MMP17: variants seen among roughly 807,000 people sequenced by gnomAD.
MMP17 encodes the protein matrix metalloproteinase-17.
Under a neutral mutation model 49.1 loss-of-function variants are expected in MMP17, and 54 were observed. The observed-to-expected ratio is 1.10, with a 90% CI of 0.88 to 1.38. MMP17 has a LOEUF of 1.38. MMP17 is among the 40% of genes most tolerant of loss of function. The pLI is 0.00. For missense variants in MMP17, 837 were observed against 853.7 expected (o/e 0.98, Z 0.24); for synonymous variants, 397 against 383.1 (o/e 1.04, Z -0.42).
In MMP17 at chr12:131,840,778, G is replaced by T. The variant is rs770270565; in HGVS notation, c.628G>T (p.Ala210Ser). 6 of 1,605,266 alleles carry T rather than the reference G, an allele frequency of 3.7e-6. No homozygotes were observed. The highest frequency in any genetic ancestry group is 5.1e-6 in the Non-Finnish European group (6 of 1,179,796). ...CGGCCCCGGCGGCACCGTGGCCCAC[G>T]CCTTCTTCCCCGGCCACCACCACAC... Reference protein sequence around the residue: ...FDGPGGTVAHAFFPGHHHTAG... With the variant: ...FDGPGGTVAHSFFPGHHHTAG... The change falls in exon 4 of 10, where the codon GCC becomes TCC. Residue 210 changes from alanine to serine, a missense_variant. Ala to Ser is a moderately conservative substitution (Grantham distance 99). Coordinates refer to ENST00000360564, the MANE Select transcript of MMP17 (RefSeq NM_016155.7).
chr12:131,835,442 G>C (rs1344373374), intron 1 of MMP17, among the ~76,000 whole-genome samples: 1 of 152,244 alleles, frequency 6.6e-6, no homozygotes, highest in African/African-American at 2.4e-5. Flanking sequence ...GCCAGGCCCG[G>C]CTCCACTTTC....
At chr12:131,832,827 G>C (rs980189107) in intron 1 of MMP17, among the ~76,000 whole-genome samples, 3 of 152,182 alleles carry the variant, frequency 2.0e-5, no homozygotes, top group Admixed American at 2.0e-4. Context: ...CCCTGACTCT[G>C]TCACACCCGC....
At chr12:131,831,743 G>C (rs938463922) in intron 1 of MMP17, among the ~76,000 whole-genome samples, 3 of 144,014 alleles carry the variant, frequency 2.1e-5, no homozygotes, top group African/African-American at 7.9e-5. Context: ...CTGCGCAATG[G>C]GGCCAGTGAG....
chr12:131,840,791 G>A lies in MMP17; in HGVS notation c.641G>A (p.Gly214Asp), dbSNP rs1442463189. 6.2e-7 allele frequency: 1 copy of A among 1,606,032 alleles called. No homozygotes were observed. The highest frequency in any genetic ancestry group is 8.5e-7 in the Non-Finnish European group (1 of 1,179,746). Residue 214 changes from glycine (G) to aspartate (D), a missense_variant, in exon 4 of 10, where the codon GGC (glycine) becomes GAC (aspartate). Coordinates refer to ENST00000360564, the MANE Select transcript of MMP17 (RefSeq NM_016155.7). ...GGTVAHAFFP[G>D]HHHTAGDTHF... The stretch of plus-strand genomic sequence containing the variant: ...ACCGTGGCCCACGCCTTCTTCCCCG[G>A]CCACCACCACACCGCCGGGGACACC...
At chr12:131,830,869 C>A (rs1347479657) in intron 1 of MMP17, among the ~76,000 whole-genome samples, 4 of 152,158 alleles carry the variant, frequency 2.6e-5, no homozygotes, top group Admixed American at 1.3e-4. Context: ...AGCGCACTGT[C>A]CCCCCGGGGG....
At chr12:131,848,552 G>A (rs1258745999) in intron 8 of MMP17, among the ~76,000 whole-genome samples, 4 of 152,200 alleles carry the variant, frequency 2.6e-5, no homozygotes, top group African/African-American at 7.2e-5. Flanking sequence ...ACGCTGCCCC[G>A]TGAAACACGG....
intron 1 of MMP17, among the ~76,000 whole-genome samples, chr12:131,832,677 G>T (rs936019643): frequency 2.6e-5 from 4 of 152,060 alleles, no homozygotes; most frequent in South Asian, 2.1e-4. Flanking sequence ...GGCACCGTCT[G>T]AGTGGGACAG....
At position 131,845,398 on chromosome 12, in the gene MMP17, G is replaced by A. The variant is rs1376374025; in HGVS notation, c.1153G>A (p.Val385Met). 7.5e-6 allele frequency: 12 copies of A among 1,591,852 alleles called. No individual in the cohort carries two copies. Among genetic ancestry groups the A allele is most frequent in the South Asian group, 3.3e-5 (3 of 90,848 alleles). Residue 385 changes from valine to methionine, a missense_variant, in exon 8 of 10, where the codon GTG (valine) becomes ATG (methionine). By Grantham distance (21) the Val-to-Met change is conservative (BLOSUM62 1). Transcript: ENST00000360564. ...GGGCCTGCCGCTGCACCTGGACAGC[G>A]TGGACGCCGTGTACGAGCGCACCAG... ...WRGLPLHLDS[V>M]DAVYERTSDH... is the part of the protein sequence containing the mutation.
At chr12:131,842,375 G>T (rs1294361281) in intron 5 of MMP17, among the ~76,000 whole-genome samples, 1 of 152,178 alleles carries the variant, frequency 6.6e-6, no homozygotes, top group Non-Finnish European at 1.5e-5. Context: ...CAGTAGTGCT[G>T]CCCCTGCCGC....
At position 131,850,030 on chromosome 12, in the gene MMP17, CG is replaced by C; in HGVS notation, c.1434del (p.Leu479TrpfsTer123). On this transcript the variant is annotated frameshift_variant, in exon 9 of 10. Transcript: ENST00000360564. LOFTEE classifies it low-confidence loss of function (END_TRUNC). ...QSPLWRGVPS[T>X]LDDAMRWSDG... ...CCCCTGTGGAGGGGTGTCCCCAGCA[CG>C]CTGGACGACGCCATGCGCTGGTCCG... is the stretch of plus-strand genomic sequence containing the variant. 1 of 1,612,844 alleles carries C rather than the reference CG, an allele frequency of 6.2e-7. No individual in the cohort carries two copies. The highest frequency in any genetic ancestry group is 8.5e-7 in the Non-Finnish European group (1 of 1,179,708).
intron 2 of MMP17, 76 bp downstream of exon 2, chr12:131,838,403 C>A: frequency 6.4e-7 from 1 of 1,558,132 alleles, no homozygotes; most frequent in Non-Finnish European, 8.7e-7. Flanking sequence ...CCCCTCTGAT[C>A]AGGCACAGTC....
At position 131,851,290 on chromosome 12, in the gene MMP17, C is replaced by A; in HGVS notation, c.*16C>A. 1 of 1,383,820 alleles carries A rather than the reference C, an allele frequency of 7.2e-7. No homozygotes were observed. The highest frequency in any genetic ancestry group is 9.4e-7 in the Non-Finnish European group (1 of 1,065,278). The allele number at this position is 1,383,820 out of a possible 1,614,324, so 85.7% of individuals were successfully genotyped here. A position where few individuals can be genotyped will look rare whatever the true frequency, so the allele number is the denominator to read the frequency against. On this transcript the variant is annotated 3_prime_UTR_variant, in exon 10 of 10. Coordinates refer to ENST00000360564, the MANE Select transcript of MMP17 (RefSeq NM_016155.7). ...GACGCTATGACACACAGCGCGAGCC[C>A]ATGAGAGGACAGAGGCGGTGGGACA...
chr12:131,850,140 G>A (rs867874758), intron 9 of MMP17, 81 bp downstream of exon 9: 32 of 1,470,862 alleles, frequency 2.2e-5, no homozygotes, highest in African/African-American at 9.9e-5. Flanking sequence ...GCAGCCAAGA[G>A]GTTCCCTGAA....
intron 1 of MMP17, among the ~76,000 whole-genome samples, chr12:131,830,713 A>G (rs1403141007): frequency 1.3e-5 from 2 of 152,046 alleles, no homozygotes; most frequent in Non-Finnish European, 2.9e-5. Context: ...AGAGCTGCAG[A>G]CAGAGCTGCA....
intron 3 of MMP17, 32 bp from the exon 4 acceptor site, chr12:131,840,541 G>A (rs866955342): frequency 5.2e-6 from 8 of 1,542,690 alleles, no homozygotes; most frequent in African/African-American, 2.7e-5. Flanking sequence ...CCTGTTCTCC[G>A]TGACTCACTC....
chr12:131,833,167 C>G (rs896888794), intron 1 of MMP17, among the ~76,000 whole-genome samples: 3 of 152,244 alleles, frequency 2.0e-5, no homozygotes, highest in Admixed American at 2.0e-4. Context: ...CTGTGAGCAC[C>G]TGCTTTGTGC....
intron 2 of MMP17, 54 bp from the exon 3 acceptor site, chr12:131,838,558 C>T (rs1472032746): frequency 2.6e-6 from 4 of 1,563,486 alleles, no homozygotes; most frequent in Non-Finnish European, 3.5e-6. Flanking sequence ...TGCTCGGGAT[C>T]CTAGGGTGGG....
chr12:131,846,476 C>T lies in MMP17; in HGVS notation c.1204+1027C>T, dbSNP rs565133603. On this transcript the variant is annotated intron_variant, in intron 8 of 9. Transcript: ENST00000360564. This position sits in a 1 kb window ranked among gnomAD's most constrained non-coding sequence, Gnocchi z 4.6. ...ACTGCAACCTTCACCTCCCAGGTTG[C>T]AATTCTCCTGCCTCAGCCTCCCTAG... 6.6e-6 allele frequency among the ~76,000 whole-genome samples: 1 copy of T among 152,242 alleles called. No individual in the cohort carries two copies. Among genetic ancestry groups the T allele is most frequent in the Non-Finnish European group, 1.5e-5 (1 of 68,004 alleles).
chr12:131,829,680 C>A (rs1328929221), intron 1 of MMP17, among the ~76,000 whole-genome samples: 1 of 152,228 alleles, frequency 6.6e-6, no homozygotes, highest in Non-Finnish European at 1.5e-5. Flanking sequence ...TTCAGGAGCT[C>A]CAAAACCTTG....
Sources: allele counts gnomAD v4.1 joint callset (sites outside exome capture counted in the v4.1 genomes callset), GRCh38; gene constraint gnomAD v4.1.1; non-coding constraint Gnocchi (gnomAD v3.1); transcripts MANE v1.5; gene names NCBI Gene and HGNC (gene_info 2026-07-23, HGNC 2026-07-21).